The following GPC5 variants were observed in gnomAD, a reference collection of about 807,000 sequenced individuals.
The protein encoded by GPC5 is glypican 5.
A neutral mutation model predicts 53.9 loss-of-function variants in GPC5; 47 were observed. That is an observed-to-expected ratio of 0.87 (90% confidence interval 0.69 to 1.11). The LOEUF is 1.11. Among genes scored for constraint, GPC5 ranks in the 50% most tolerant of loss-of-function variants. The probability of loss-of-function intolerance (pLI) is 0.00; values close to 1 mark genes in which losing one functional copy is unlikely to be tolerated. For missense variants in GPC5, 748 were observed against 713.1 expected (o/e 1.05, Z -0.56); for synonymous variants, 286 against 263.3 (o/e 1.09, Z -0.84).
intron 6 of GPC5, among the ~76,000 whole-genome samples, chr13:91,936,142 G>C (rs930001793): frequency 1.3e-5 from 2 of 152,030 alleles, no homozygotes; most frequent in African/African-American, 4.8e-5. Context: ...TGTTATAAAA[G>C]ATGATGCTCA....
intron 7 of GPC5, among the ~76,000 whole-genome samples, chr13:92,233,535 A>C (rs1293877567): frequency 2.0e-5 from 3 of 152,222 alleles, no homozygotes; most frequent in Non-Finnish European, 4.4e-5. Context: ...CTAAGAATTA[A>C]GTTGACATAA....
chr13:92,299,006 A>G (rs1460230219), intron 7 of GPC5, among the ~76,000 whole-genome samples: 5 of 152,328 alleles, frequency 3.3e-5, no homozygotes, highest in African/African-American at 1.2e-4. Context: ...TAAGCCGTGA[A>G]TCTGAAATTG....
chr13:92,045,586 A>G (rs1242610848), intron 6 of GPC5, among the ~76,000 whole-genome samples: 1 of 152,174 alleles, frequency 6.6e-6, no homozygotes, highest in African/African-American at 2.4e-5. Flanking sequence ...TCGTCATTTC[A>G]AACACTTGTA....
intron 7 of GPC5, among the ~76,000 whole-genome samples, chr13:92,771,706 G>A (rs1476991840): frequency 2.6e-5 from 4 of 152,048 alleles, no homozygotes; most frequent in African/African-American, 9.7e-5. Flanking sequence ...ATTTTGCAGT[G>A]CTTATTCAAC....
At chr13:91,678,757 G>C (rs1466577730) in intron 2 of GPC5, among the ~76,000 whole-genome samples, 1 of 148,134 alleles carries the variant, frequency 6.8e-6, no homozygotes, top group Non-Finnish European at 1.5e-5. Flanking sequence ...TTGTACATTT[G>C]TGGATCCTAT....
At chr13:91,657,346 T>A (rs1482239965) in intron 2 of GPC5, among the ~76,000 whole-genome samples, 1 of 152,114 alleles carries the variant, frequency 6.6e-6, no homozygotes, top group African/African-American at 2.4e-5. Flanking sequence ...GGAAACTGGA[T>A]GGATGCTGGT....
At chr13:91,983,073 C>T (rs1221841917) in intron 6 of GPC5, among the ~76,000 whole-genome samples, 2 of 151,908 alleles carry the variant, frequency 1.3e-5, no homozygotes, top group South Asian at 2.1e-4. Context: ...GTGCCGGTCG[C>T]GGTGGCTCAC....
At chr13:91,707,477 G>A (rs755874309) in intron 3 of GPC5, among the ~76,000 whole-genome samples, 8 of 152,188 alleles carry the variant, frequency 5.3e-5, no homozygotes, top group Non-Finnish European at 1.2e-4. Flanking sequence ...ATAAGGATTA[G>A]GTAGGCATGT....
chr13:91,811,240 C>G lies in GPC5; in HGVS notation c.1280+54820C>G, dbSNP rs142551713. Among the ~76,000 whole-genome samples the G allele has an allele frequency of 7.2e-4, 110 of 152,032 alleles. 1 individual carries two copies. The highest frequency in any genetic ancestry group is 2.5e-3 in the African/African-American group (104 of 41,516). ...CAATTAGAATTTGACCTAAAGACATCTGATATATTAAGACTAATTTTTAAA... is the reference window on the plus strand; with the variant it reads ...CAATTAGAATTTGACCTAAAGACATGTGATATATTAAGACTAATTTTTAAA... On this transcript the variant is annotated intron_variant, in intron 5 of 7. Coordinates refer to ENST00000377067, the MANE Select transcript of GPC5 (RefSeq NM_004466.6).
chr13:92,270,838 A>G (rs994141311), intron 7 of GPC5, among the ~76,000 whole-genome samples: 1 of 152,206 alleles, frequency 6.6e-6, no homozygotes, highest in African/African-American at 2.4e-5. Flanking sequence ...TAGACATTAG[A>G]GTTACATTTG....
At chr13:91,683,636 A>G (rs955164571) in intron 2 of GPC5, among the ~76,000 whole-genome samples, 1 of 152,040 alleles carries the variant, frequency 6.6e-6, no homozygotes, top group Non-Finnish European at 1.5e-5. Flanking sequence ...TCTTGACTTC[A>G]CTTGACATTA....
At chr13:92,014,537 C>G (rs1380852186) in intron 6 of GPC5, among the ~76,000 whole-genome samples, 2 of 152,066 alleles carry the variant, frequency 1.3e-5, no homozygotes, top group African/African-American at 4.8e-5. Context: ...TTCCATATCT[C>G]TAATGGAATC....
chr13:92,340,223 T>G (rs916718021), intron 7 of GPC5, among the ~76,000 whole-genome samples: 1 of 152,162 alleles, frequency 6.6e-6, no homozygotes, highest in African/African-American at 2.4e-5. Context: ...ATGTAGTTTA[T>G]TTTCAAGGAA....
chr13:92,047,167 G>C (rs1472112007), intron 6 of GPC5, among the ~76,000 whole-genome samples: 3 of 152,042 alleles, frequency 2.0e-5, no homozygotes, highest in African/African-American at 7.2e-5. Context: ...AGAATGAAGG[G>C]AAAGAAAAGA....
chr13:92,241,652 T>C (rs1458098366), intron 7 of GPC5: 1 of 152,156 alleles, frequency 6.6e-6, no homozygotes, highest in Non-Finnish European at 1.5e-5. Flanking sequence ...ATTCTGAAAA[T>C]AGAGAATAAC....
intron 5 of GPC5, among the ~76,000 whole-genome samples, chr13:91,785,997 T>A (rs2037871928): frequency 6.6e-6 from 1 of 151,842 alleles, no homozygotes; most frequent in Admixed American, 6.6e-5. Context: ...TGATTCAAAG[T>A]TTTTCTTTCT....
chr13:92,558,097 C>G (rs1248017252), intron 7 of GPC5, among the ~76,000 whole-genome samples: 2 of 151,700 alleles, frequency 1.3e-5, no homozygotes, highest in African/African-American at 2.4e-5. Flanking sequence ...ACTGGAAAAT[C>G]AAAAGAAGAT....
At chr13:91,451,759 A>C (rs546403948) in intron 2 of GPC5, among the ~76,000 whole-genome samples, 1 of 151,978 alleles carries the variant, frequency 6.6e-6, no homozygotes, top group Non-Finnish European at 1.5e-5. Context: ...CTGGGATTAC[A>C]GATGTGTGCC....
At chr13:91,973,057 A>T (rs1429057837) in intron 6 of GPC5, among the ~76,000 whole-genome samples, 1 of 152,098 alleles carries the variant, frequency 6.6e-6, no homozygotes, top group African/African-American at 2.4e-5. Context: ...TATCCTGCAG[A>T]GTGTTTTCCA....
Sources: gnomAD v4.1 joint callset for allele counts (sites outside exome capture counted in the v4.1 genomes callset) on GRCh38, gnomAD v4.1.1 for gene constraint, MANE v1.5 for transcripts, NCBI Gene and HGNC (gene_info 2026-07-23, HGNC 2026-07-21) for gene names.